Variants in ENOX1 observed in about 807,000 individuals in gnomAD.
The protein encoded by ENOX1 is candidate growth-related and time keeping constitutive hydroquinone (NADH) oxidase.
ENOX1 carries 42 observed loss-of-function variants against 82.5 expected under a neutral mutation model. That is an observed-to-expected ratio of 0.51 (90% CI 0.40 to 0.66). ENOX1 has a LOEUF of 0.66. ENOX1 is among the 30% of genes least tolerant of loss of function. The pLI, the probability that ENOX1 is intolerant of heterozygous loss-of-function variation, is 0.00. For missense variants in ENOX1, 608 were observed against 811.6 expected, an observed-to-expected ratio of 0.75 and a Z score of 3.05; for synonymous variants, 271 against 282.2, an observed-to-expected ratio of 0.96 and a Z score of 0.40.
At chr13:43,713,405 T>A (rs1171586018) in intron 1 of ENOX1, among the ~76,000 whole-genome samples, 3 of 152,188 alleles carry the variant, frequency 2.0e-5, no homozygotes, top group African/African-American at 7.2e-5. Context: ...CCGGCTTTGG[T>A]ACCAAGATGA....
rs547394882 is a variant in ENOX1 at position 43,693,216 on chromosome 13, A to G, written c.-284-25672T>C. Among the ~76,000 whole-genome samples, 6 of 152,150 alleles carry G rather than the reference A, an allele frequency of 3.9e-5. No homozygotes were observed. The South Asian group carries it at 1.2e-3, about 32-fold the overall frequency. ...TTTCCTATACATAGATTTTTGAATT[A>G]TCTGATTTTTTTTCAAAGAGCATGT... is the stretch of plus-strand genomic sequence containing the variant. On this transcript the variant is annotated intron_variant, in intron 1 of 16. Transcript: ENST00000690772.
intron 3 of ENOX1, chr13:43,458,463 C>T (rs1002782876): frequency 6.6e-6 from 1 of 152,126 alleles, no homozygotes; most frequent in Admixed American, 6.5e-5. Context: ...TTAGGCATCG[C>T]ATCACTGGTA....
chr13:43,492,285 T>C lies in ENOX1; in HGVS notation c.-218-8133A>G, dbSNP rs531693953. On this transcript the variant is annotated intron_variant, in intron 2 of 16. Coordinates refer to ENST00000690772, the MANE Select transcript of ENOX1 (RefSeq NM_001347969.2). ...AGAGATGCTGTAGATGTTGCTCTAG[T>C]TGAGATGACTACAGGCCTGGCCATT... 5.7e-4 allele frequency among the ~76,000 whole-genome samples: 87 copies of C among 152,174 alleles called. 2 individuals carry two copies. Among genetic ancestry groups the C allele is most frequent in the Non-Finnish European group, 6.0e-4 (41 of 68,030 alleles).
intron 2 of ENOX1, among the ~76,000 whole-genome samples, chr13:43,555,215 A>G (rs934137813): frequency 2.0e-5 from 3 of 152,252 alleles, no homozygotes; most frequent in Admixed American, 2.0e-4. Context: ...GAAAAGTGCT[A>G]TCAGAAAACA....
chr13:43,242,262 G>A (rs944072343), intron 14 of ENOX1, among the ~76,000 whole-genome samples: 1 of 152,214 alleles, frequency 6.6e-6, no homozygotes, highest in African/African-American at 2.4e-5. Context: ...TACACAGGAG[G>A]TCCTGGTCTT....
chr13:43,214,614 A>T (rs551103878), intron 16 of ENOX1, among the ~76,000 whole-genome samples: 2 of 152,342 alleles, frequency 1.3e-5, no homozygotes, highest in South Asian at 4.1e-4. Context: ...CAGAGACCAT[A>T]AAGCTTTTGG....
chr13:43,470,527 A>C (rs1371197027), intron 3 of ENOX1, among the ~76,000 whole-genome samples: 1 of 149,624 alleles, frequency 6.7e-6, no homozygotes, highest in Non-Finnish European at 1.5e-5. Context: ...TCATCAAAAG[A>C]CATCACTAAG....
intron 2 of ENOX1, among the ~76,000 whole-genome samples, chr13:43,486,469 T>C (rs1268804595): frequency 6.6e-6 from 1 of 152,208 alleles, no homozygotes; most frequent in East Asian, 1.9e-4. Flanking sequence ...GGCCCAGTTT[T>C]TATAAAATCC....
At chr13:43,272,635 T>G (rs1394069558) in intron 12 of ENOX1, among the ~76,000 whole-genome samples, 1 of 152,334 alleles carries the variant, frequency 6.6e-6, no homozygotes, top group Admixed American at 6.5e-5. Flanking sequence ...TTTAAAATAG[T>G]CAAGAGCAGT....
chr13:43,652,629 T>C (rs1029180871), intron 2 of ENOX1, among the ~76,000 whole-genome samples: 7 of 152,178 alleles, frequency 4.6e-5, no homozygotes, highest in East Asian at 3.8e-4. Context: ...TTTAAAATGA[T>C]TCCAAATAGT....
intron 2 of ENOX1, among the ~76,000 whole-genome samples, chr13:43,516,138 A>G (rs546241363): frequency 5.1e-4 from 78 of 152,294 alleles, no homozygotes; most frequent in African/African-American, 1.8e-3. Flanking sequence ...TGGAATATAC[A>G]GTAAAGAATG....
chr13:43,737,856 C>T (rs1283937113), intron 1 of ENOX1, among the ~76,000 whole-genome samples: 1 of 152,178 alleles, frequency 6.6e-6, no homozygotes, highest in Non-Finnish European at 1.5e-5. Context: ...GGCCCTTACA[C>T]AGCAAACATA....
rs560391127 is a variant in ENOX1 at position 43,750,281 on chromosome 13, A to G, written c.-285+36371T>C. 9.2e-5 allele frequency among the ~76,000 whole-genome samples: 14 copies of G among 152,320 alleles called. No homozygotes were observed. The East Asian group carries it at 2.5e-3, about 27-fold the overall frequency. Reference sequence around the variant, plus strand: ...CAGGAAGTGGAAACATCTACAGTAGAATCAGTGCAGATGTGATCATTAGAA... The same window carrying G: ...CAGGAAGTGGAAACATCTACAGTAGGATCAGTGCAGATGTGATCATTAGAA... On this transcript the variant is annotated intron_variant, in intron 1 of 16. Transcript: ENST00000690772.
chr13:43,555,484 T>C lies in ENOX1; in HGVS notation c.-218-71332A>G, dbSNP rs533113131. ...TAATTGCTGAGGAAAGGCCAAAGCA[T>C]TTACGGTCAATCAGATGAGGAAAAG... On this transcript the variant is annotated intron_variant, in intron 2 of 16. Coordinates refer to ENST00000690772, the MANE Select transcript of ENOX1 (RefSeq NM_001347969.2). Among the ~76,000 whole-genome samples the C allele has an allele frequency of 1.2e-4, 18 of 152,320 alleles. 1 individual carries two copies. Among genetic ancestry groups the C allele is most frequent in the African/African-American group, 4.3e-4 (18 of 41,564 alleles).
chr13:43,416,104 A>G (rs1316090695), intron 3 of ENOX1, among the ~76,000 whole-genome samples: 1 of 140,184 alleles, frequency 7.1e-6, no homozygotes, highest in Non-Finnish European at 1.5e-5. Context: ...GGATGGGCAG[A>G]GATGCTCCCC....
intron 2 of ENOX1, among the ~76,000 whole-genome samples, chr13:43,585,225 T>C (rs1181410321): frequency 6.6e-6 from 1 of 152,114 alleles, no homozygotes; most frequent in Non-Finnish European, 1.5e-5. Context: ...AAGGGGGCCA[T>C]GAAGCAAAGA....
intron 2 of ENOX1, among the ~76,000 whole-genome samples, chr13:43,570,332 C>T (rs545830273): frequency 1.7e-4 from 26 of 152,058 alleles, no homozygotes; most frequent in African/African-American, 5.5e-4. Context: ...TAGGCAGTAG[C>T]GGAAGCCATA....
At chr13:43,691,718 C>T (rs2086374667) in intron 1 of ENOX1, among the ~76,000 whole-genome samples, 2 of 146,606 alleles carry the variant, frequency 1.4e-5, no homozygotes. Context: ...TTTTTTTTTC[C>T]GAGACAGAGT....
At chr13:43,618,977 AT>A (rs56048836) in intron 2 of ENOX1, among the ~76,000 whole-genome samples, 53,842 of 116,732 alleles carry the variant, frequency 0.46, 11,622 homozygotes, top group Middle Eastern at 0.6. Flanking sequence ...ATAGTCCTAA[AT>A]TTTTTTTTTT....
Sources: allele counts gnomAD v4.1 joint callset (sites outside exome capture counted in the v4.1 genomes callset), GRCh38; gene constraint gnomAD v4.1.1; transcripts MANE v1.5; gene names NCBI Gene and HGNC (gene_info 2026-07-23, HGNC 2026-07-21).